Variants in REEP1 observed in about 807,000 individuals in gnomAD.
REEP1 encodes receptor expression-enhancing protein 1.
Under a neutral mutation model 40.3 loss-of-function variants are expected in REEP1, and 22 were observed. The observed-to-expected ratio is 0.55, with a 90% confidence interval of 0.39 to 0.78. REEP1 has a LOEUF of 0.78. REEP1 is among the 30% of genes least tolerant of loss of function. REEP1 has a pLI of 0.00. For missense variants in REEP1, 280 were observed against 361.1 expected (o/e 0.78, Z 1.82); for synonymous variants, 116 against 139.2 (o/e 0.83, Z 1.17).
At chr2:86,234,192 A>T (rs960389735) in intron 5 of REEP1, among the ~76,000 whole-genome samples, 2 of 151,788 alleles carry the variant, frequency 1.3e-5, no homozygotes, top group Non-Finnish European at 2.9e-5. Flanking sequence ...GGGGAGGGGG[A>T]AAAAAAGGGG....
At chr2:86,261,304 G>A (rs1676840172) in intron 3 of REEP1, among the ~76,000 whole-genome samples, 1 of 152,142 alleles carries the variant, frequency 6.6e-6, no homozygotes, top group Non-Finnish European at 1.5e-5. Context: ...TTCCTTGTGG[G>A]GAAAAGCAAG....
At chr2:86,294,988 G>A (rs993285703) in intron 1 of REEP1, among the ~76,000 whole-genome samples, 5 of 152,040 alleles carry the variant, frequency 3.3e-5, no homozygotes, top group Non-Finnish European at 7.4e-5. Flanking sequence ...AACAAAGGAT[G>A]TTTGGCTCAG....
At chr2:86,255,722 C>A (rs1676520789) in intron 3 of REEP1, among the ~76,000 whole-genome samples, 1 of 152,152 alleles carries the variant, frequency 6.6e-6, no homozygotes, top group Non-Finnish European at 1.5e-5. Flanking sequence ...AAAATAATCA[C>A]AAATAATATA....
At position 86,294,017 on chromosome 2, in the gene REEP1, C is replaced by T. The variant is rs1678855916; in HGVS notation, c.33-11775G>A. Reference sequence around the variant, plus strand: ...GTATATTATGCTAAGTTAAATGGGCCAATCACAAAAAGGCAAATACTGAGT... The same window carrying T: ...GTATATTATGCTAAGTTAAATGGGCTAATCACAAAAAGGCAAATACTGAGT... On this transcript the variant is annotated intron_variant, in intron 1 of 8. Transcript: ENST00000538924. Among the ~76,000 whole-genome samples the T allele has an allele frequency of 2.0e-5, 3 of 152,026 alleles. No homozygotes were observed. The South Asian group carries it at 6.2e-4, about 32-fold the overall frequency.
intron 3 of REEP1, among the ~76,000 whole-genome samples, chr2:86,257,931 C>T (rs116976751): frequency 6.6e-6 from 1 of 152,184 alleles, no homozygotes; most frequent in Non-Finnish European, 1.5e-5. Flanking sequence ...CTATCTCACT[C>T]ATCTTAATGG....
chr2:86,286,542 T>A (rs572229506), intron 1 of REEP1, among the ~76,000 whole-genome samples: 31 of 152,378 alleles, frequency 2.0e-4, no homozygotes, highest in African/African-American at 6.3e-4. Flanking sequence ...AGGTTCATTT[T>A]TTTGAACCCC....
intron 3 of REEP1, among the ~76,000 whole-genome samples, chr2:86,256,667 C>G (rs749493200): frequency 6.6e-6 from 1 of 152,280 alleles, no homozygotes; most frequent in South Asian, 2.1e-4. Context: ...CTGAGTGGCC[C>G]CCAACATGGC....
intron 3 of REEP1, among the ~76,000 whole-genome samples, chr2:86,255,980 C>T (rs1574041293): frequency 1.3e-5 from 2 of 152,100 alleles, no homozygotes; most frequent in Non-Finnish European, 2.9e-5. Context: ...TTTCTGTATT[C>T]TGATGTACTT....
chr2:86,331,026 C>G (rs1332236244), intron 1 of REEP1, among the ~76,000 whole-genome samples: 17 of 152,188 alleles, frequency 1.1e-4, no homozygotes. Flanking sequence ...GCTGCAGGAA[C>G]TGGGGCCCGA....
At position 86,337,420 on chromosome 2, in the gene REEP1, C is replaced by A. The variant is rs538898539; in HGVS notation, c.32+59G>T. 958 of 1,160,298 alleles carry A rather than the reference C, an allele frequency of 8.3e-4. 13 individuals are homozygous for A. The African/African-American group carries it at 0.014, about 18-fold the overall frequency. The allele number at this position is 1,160,298 out of a possible 1,614,324, so 71.9% of individuals were successfully genotyped here. ...CCGGGCGCTGTAGGGGCGCGCGCAG[C>A]CCGGGGCCGGGGGCGGGGAGGGAGG... On this transcript the variant is annotated intron_variant, in intron 1 of 8. Coordinates refer to ENST00000538924, the MANE Select transcript of REEP1 (RefSeq NM_001371279.1). The surrounding 1 kb of genome is among the most constrained non-coding windows in gnomAD (Gnocchi z 5.8).
At chr2:86,218,753 C>T (rs1474434538) in intron 8 of REEP1, among the ~76,000 whole-genome samples, 1 of 152,246 alleles carries the variant, frequency 6.6e-6, no homozygotes, top group African/African-American at 2.4e-5. Context: ...AACCCTCTAA[C>T]TTTAAAAGGG....
intron 5 of REEP1, among the ~76,000 whole-genome samples, chr2:86,235,464 G>A (rs1675266543): frequency 1.3e-5 from 2 of 152,210 alleles, no homozygotes; most frequent in Non-Finnish European, 2.9e-5. Context: ...CAACTATGAT[G>A]ATAATGATGT....
At chr2:86,305,972 T>A (rs1234321256) in intron 1 of REEP1, among the ~76,000 whole-genome samples, 1 of 152,242 alleles carries the variant, frequency 6.6e-6, no homozygotes, top group Non-Finnish European at 1.5e-5. Context: ...AAAAGGCTGC[T>A]AAGAATATTG....
At chr2:86,284,311 C>A (rs752035544) in intron 1 of REEP1, among the ~76,000 whole-genome samples, 10 of 149,950 alleles carry the variant, frequency 6.7e-5, no homozygotes, top group African/African-American at 9.8e-5. Context: ...TCCACTGTAT[C>A]CACTTGGTCA....
chr2:86,335,621 C>T (rs142594330), intron 1 of REEP1, among the ~76,000 whole-genome samples: 2,390 of 152,202 alleles, frequency 0.016, 75 homozygotes, highest in African/African-American at 0.054. Flanking sequence ...GAGGCCGAAG[C>T]GGGCGGATCA....
At chr2:86,321,074 C>A (rs1680255006) in intron 1 of REEP1, among the ~76,000 whole-genome samples, 1 of 152,110 alleles carries the variant, frequency 6.6e-6, no homozygotes, top group African/African-American at 2.4e-5. Context: ...ACCTTGGCCT[C>A]CCAAAGAAGT....
At chr2:86,295,741 G>A (rs186860507) in intron 1 of REEP1, among the ~76,000 whole-genome samples, 6 of 152,200 alleles carry the variant, frequency 3.9e-5, no homozygotes, top group South Asian at 2.1e-4. Flanking sequence ...GGGTTTCACC[G>A]TGTTAGCCAG....
intron 2 of REEP1, among the ~76,000 whole-genome samples, chr2:86,278,278 T>C (rs997546104): frequency 2.0e-5 from 3 of 152,222 alleles, no homozygotes; most frequent in African/African-American, 7.2e-5. Flanking sequence ...AGTAATTATA[T>C]TTTAATTCTT....
At position 86,215,332 on chromosome 2, in the gene REEP1, T is replaced by TATC. The variant is rs1265003295; in HGVS notation, c.*1704_*1706dup. 1 of 152,188 alleles carries TATC rather than the reference T, an allele frequency of 6.6e-6. No individual in the cohort carries two copies. The highest frequency in any genetic ancestry group is 1.5e-5 in the Non-Finnish European group (1 of 68,032). 9.4% of individuals were successfully genotyped at this position (152,188 alleles called of 1,614,324 possible). On this transcript the variant is annotated 3_prime_UTR_variant, in exon 9 of 9. Transcript: ENST00000538924. ...TGGGTAGATGGGATTCCAATATGCA[T>TATC]ATCTGGCAACAATCAGCTTCAAATC... is the stretch of plus-strand genomic sequence containing the variant.
Sources: allele counts gnomAD v4.1 joint callset (sites outside exome capture counted in the v4.1 genomes callset), GRCh38; gene constraint gnomAD v4.1.1; non-coding constraint Gnocchi (gnomAD v3.1); transcripts MANE v1.5; gene names NCBI Gene and HGNC (gene_info 2026-07-23, HGNC 2026-07-21).